Variants in HHIP observed in about 807,000 individuals in gnomAD.
The protein encoded by HHIP is hedgehog-interacting protein.
Under a neutral mutation model 74.0 loss-of-function variants are expected in HHIP, and 12 were observed. The observed-to-expected ratio is 0.16, with a 90% CI of 0.10 to 0.26. The LOEUF (loss-of-function observed/expected upper bound fraction) is 0.26, where lower values mean the gene tolerates loss of function less well. Ranked by LOEUF, HHIP falls within the 10% of genes least tolerant of loss-of-function variation. The pLI, the probability that HHIP is intolerant of heterozygous loss-of-function variation, is 1.00. For missense variants in HHIP, 788 were observed against 845.0 expected (o/e 0.93, Z 0.84); for synonymous variants, 309 against 311.6 (o/e 0.99, Z 0.09).
intron 4 of HHIP, chr4:144,660,187 G>T (rs1427983354): frequency 5.9e-6 from 2 of 340,452 alleles, no homozygotes; most frequent in Non-Finnish European, 5.2e-6. Flanking sequence ...AAACAAAGAG[G>T]TCTTTTGGTT....
At chr4:144,662,842 G>C (rs1320209528) in intron 4 of HHIP, among the ~76,000 whole-genome samples, 1 of 152,146 alleles carries the variant, frequency 6.6e-6, no homozygotes, top group Non-Finnish European at 1.5e-5. Context: ...TCTTTAAATT[G>C]AGCTTATATC....
Position 144,699,833 on chromosome 4 carries a change from CCTGTT to C in HHIP, c.832-6694_832-6690del, listed in dbSNP as rs1316337467. 3.9e-5 allele frequency among the ~76,000 whole-genome samples: 6 copies of C among 152,126 alleles called. No homozygotes were observed. The South Asian group carries it at 1.0e-3, about 26-fold the overall frequency. ...ACCCAGGGACCTCAGGGGATTGACTCCTGTTCTGAGACCAATTTAGACTTTTGGAA... is the reference window on the plus strand; with the variant it reads ...ACCCAGGGACCTCAGGGGATTGACTCCTGAGACCAATTTAGACTTTTGGAA... On this transcript the variant is annotated intron_variant, in intron 4 of 12. Transcript: ENST00000296575.
intron 1 of HHIP, among the ~76,000 whole-genome samples, chr4:144,649,105 T>C (rs1322067952): frequency 6.6e-6 from 1 of 152,194 alleles, no homozygotes; most frequent in Non-Finnish European, 1.5e-5. Flanking sequence ...TGTTATTTTA[T>C]AATAAACTTC....
At chr4:144,659,556 A>G in intron 3 of HHIP, 81 bp from the exon 4 acceptor site, 1 of 859,962 alleles carries the variant, frequency 1.2e-6, no homozygotes, top group Non-Finnish European at 1.7e-6. Context: ...TAGAGGAAAT[A>G]GAGTTTGAAA....
intron 10 of HHIP, among the ~76,000 whole-genome samples, chr4:144,717,182 T>C (rs185786731): frequency 6.6e-5 from 10 of 152,312 alleles, no homozygotes; most frequent in Non-Finnish European, 1.5e-4. Context: ...ACTCGCTAGC[T>C]TTAATTGAAG....
intron 11 of HHIP, among the ~76,000 whole-genome samples, chr4:144,733,187 G>A (rs1463631569): frequency 4.6e-5 from 7 of 152,114 alleles, no homozygotes; most frequent in African/African-American, 1.7e-4. Flanking sequence ...GGAACATATG[G>A]AAACTGTTAA....
chr4:144,714,990 C>G (rs79748666), intron 9 of HHIP: 1 of 221,212 alleles, frequency 4.5e-6, no homozygotes, highest in African/African-American at 2.3e-5. Context: ...GTTCCTCTCT[C>G]TGATTAATAG....
At chr4:144,669,978 T>TAAA (rs34093429) in intron 4 of HHIP, among the ~76,000 whole-genome samples, 1 of 135,648 alleles carries the variant, frequency 7.4e-6, no homozygotes. Flanking sequence ...CGTCTCTACT[T>TAAA]AAAAAAAAAA....
At chr4:144,674,957 A>G (rs1729134174) in intron 4 of HHIP, among the ~76,000 whole-genome samples, 1 of 152,148 alleles carries the variant, frequency 6.6e-6, no homozygotes, top group Non-Finnish European at 1.5e-5. Context: ...AACTTCATCT[A>G]ACCTTTGTGT....
intron 11 of HHIP, among the ~76,000 whole-genome samples, chr4:144,728,203 G>A (rs1324595343): frequency 2.0e-5 from 3 of 152,152 alleles, no homozygotes; most frequent in Non-Finnish European, 4.4e-5. Flanking sequence ...CCTTTGAAAG[G>A]TTTAGTGCCA....
At chr4:144,714,035 A>G (rs528061149) in intron 8 of HHIP, among the ~76,000 whole-genome samples, 190 bp from the exon 9 acceptor site, 42 of 152,300 alleles carry the variant, frequency 2.8e-4, no homozygotes, top group East Asian at 1.4e-3. Flanking sequence ...TAAGCTGTAC[A>G]TGGATGTCCT....
chr4:144,716,466 G>A (rs1018285864), intron 10 of HHIP, among the ~76,000 whole-genome samples: 11 of 152,078 alleles, frequency 7.2e-5, no homozygotes, highest in Non-Finnish European at 1.0e-4. Flanking sequence ...TTCCCCTACC[G>A]CACTCAAAGG....
At chr4:144,698,726 T>C (rs1729892734) in intron 4 of HHIP, among the ~76,000 whole-genome samples, 1 of 152,210 alleles carries the variant, frequency 6.6e-6, no homozygotes, top group Non-Finnish European at 1.5e-5. Context: ...TCGTTTATTG[T>C]GGCTGGTTTC....
chr4:144,650,229 C>T (rs543239234), intron 1 of HHIP, among the ~76,000 whole-genome samples: 2 of 152,188 alleles, frequency 1.3e-5, no homozygotes, highest in South Asian at 2.1e-4. Context: ...ATTTATCTTA[C>T]CCTTCTTCTA....
chr4:144,708,106 T>C, intron 6 of HHIP, 62 bp from the exon 7 acceptor site: 2 of 1,546,232 alleles, frequency 1.3e-6, no homozygotes, highest in Non-Finnish European at 1.8e-6. Flanking sequence ...CTCACCATAT[T>C]TAATATAGGT....
At chr4:144,695,833 C>T (rs1475579730) in intron 4 of HHIP, among the ~76,000 whole-genome samples, 1 of 151,858 alleles carries the variant, frequency 6.6e-6, no homozygotes, top group African/African-American at 2.4e-5. Flanking sequence ...ATCCACAAAT[C>T]TTTATCAAAA....
chr4:144,744,510 G>A lies in HHIP; in HGVS notation c.*6553G>A, dbSNP rs999753990. The A allele has an allele frequency of 6.6e-6, 1 of 152,142 alleles. No homozygotes were observed. The highest frequency in any genetic ancestry group is 1.5e-5 in the Non-Finnish European group (1 of 68,034). The allele number at this position is 152,142 out of a possible 1,614,324, so 9.4% of individuals were successfully genotyped here. ...AAGGGTATTTGAATAGGTAGTAAAG[G>A]CAGGTACAAGTTTAAGGGAGCAGGG... On this transcript the variant is annotated 3_prime_UTR_variant, in exon 13 of 13. Coordinates refer to ENST00000296575, the MANE Select transcript of HHIP (RefSeq NM_022475.3).
chr4:144,676,104 G>A (rs1729162288), intron 4 of HHIP, among the ~76,000 whole-genome samples: 1 of 152,158 alleles, frequency 6.6e-6, no homozygotes, highest in Non-Finnish European at 1.5e-5. Flanking sequence ...AATGGTGAAA[G>A]AGTTGTCAAC....
intron 4 of HHIP, among the ~76,000 whole-genome samples, chr4:144,702,186 A>ATAATCATT (rs1730005412): frequency 6.6e-6 from 1 of 152,196 alleles, no homozygotes; most frequent in African/African-American, 2.4e-5. Context: ...ACTTTCTGTT[A>ATAATCATT]TAATCATTTT....
Sources: gnomAD v4.1 joint callset for allele counts (sites outside exome capture counted in the v4.1 genomes callset) on GRCh38, gnomAD v4.1.1 for gene constraint, MANE v1.5 for transcripts, NCBI Gene and HGNC (gene_info 2026-07-23, HGNC 2026-07-21) for gene names.